NKAIN2: variants seen among roughly 807,000 people sequenced by gnomAD.
NKAIN2 encodes sodium/potassium-transporting ATPase subunit beta-1-interacting protein 2.
NKAIN2 carries 14 observed loss-of-function variants against 32.6 expected under a neutral mutation model. The observed-to-expected ratio is 0.43, with a 90% CI of 0.28 to 0.67. The LOEUF is 0.67. Ranked by LOEUF, NKAIN2 falls within the 30% of genes least tolerant of loss-of-function variation. The pLI is 0.17. For synonymous variants in NKAIN2, 80 were observed against 87.2 expected (o/e 0.92, Z 0.46); for missense variants, 198 against 258.3 (o/e 0.77, Z 1.60).
intron 4 of NKAIN2, among the ~76,000 whole-genome samples, chr6:124,677,908 TA>T (rs2114494509): frequency 6.6e-6 from 1 of 152,156 alleles, no homozygotes; most frequent in East Asian, 1.9e-4. Context: ...CTAGTGGCCA[TA>T]AACTCCTTCA....
intron 3 of NKAIN2, among the ~76,000 whole-genome samples, chr6:124,453,990 T>C (rs1776220908): frequency 6.6e-6 from 1 of 151,972 alleles, no homozygotes. Flanking sequence ...ATCAAAGTTA[T>C]TCAGTAAATA....
chr6:124,032,155 T>G (rs1781432337), intron 1 of NKAIN2, among the ~76,000 whole-genome samples: 2 of 150,300 alleles, frequency 1.3e-5, no homozygotes, highest in Admixed American at 1.3e-4. Context: ...GAGCAAAGTA[T>G]CACAAGGACA....
intron 3 of NKAIN2, among the ~76,000 whole-genome samples, chr6:124,542,941 G>C (rs1171787015): frequency 2.0e-5 from 3 of 152,154 alleles, no homozygotes; most frequent in Non-Finnish European, 4.4e-5. Context: ...ACATTTTGAT[G>C]AATAGATAGT....
intron 1 of NKAIN2, among the ~76,000 whole-genome samples, chr6:124,091,505 A>G (rs2114928563): frequency 6.6e-6 from 1 of 152,166 alleles, no homozygotes; most frequent in South Asian, 2.1e-4. Context: ...GTCTCTAAAC[A>G]TTGATTTTCC....
chr6:124,180,081 G>A (rs1789362183), intron 1 of NKAIN2, among the ~76,000 whole-genome samples: 1 of 152,006 alleles, frequency 6.6e-6, no homozygotes, highest in African/African-American at 2.4e-5. Context: ...CAGGTAGATA[G>A]GTAGGCATGT....
chr6:124,337,363 C>T (rs534506707), intron 2 of NKAIN2, among the ~76,000 whole-genome samples: 1 of 152,136 alleles, frequency 6.6e-6, no homozygotes, highest in African/African-American at 2.4e-5. Flanking sequence ...AATAATTAGC[C>T]AGGCATGGCT....
rs559110581 is a variant in NKAIN2, at chr6:124,787,505, C to T, written c.475-3834C>T. 8.7e-4 allele frequency among the ~76,000 whole-genome samples: 133 copies of T among 152,082 alleles called. 1 individual carries two copies. The highest frequency in any genetic ancestry group is 3.2e-3 in the African/African-American group (133 of 41,480). On this transcript the variant is annotated intron_variant, in intron 4 of 6. Coordinates refer to ENST00000368417, the MANE Select transcript of NKAIN2 (RefSeq NM_001040214.3). ...GACTAGGGAGGGGAAGGAAGAGGTA[C>T]AGGGCATTAGCATTCTTTGTTGGCA... is the stretch of plus-strand genomic sequence containing the variant.
chr6:123,921,753 C>T lies in NKAIN2; in HGVS notation c.54+117499C>T, dbSNP rs547211338. Among the ~76,000 whole-genome samples, 6 of 152,168 alleles carry T rather than the reference C, an allele frequency of 3.9e-5. No homozygotes were observed. In the East Asian group the frequency reaches 1.2e-3, roughly 29 times the overall value. ...TATAGTGTACATCACTTATGAGAAA[C>T]TCAAAAACTGGTGTTAGCACTTTGT... On this transcript the variant is annotated intron_variant, in intron 1 of 6. Coordinates refer to ENST00000368417, the MANE Select transcript of NKAIN2 (RefSeq NM_001040214.3).
chr6:124,628,279 T>A (rs76388607), intron 3 of NKAIN2, among the ~76,000 whole-genome samples: 7 of 148,498 alleles, frequency 4.7e-5, no homozygotes, highest in East Asian at 4.0e-4. Flanking sequence ...TATTTTTTTT[T>A]AAATCTTTCC....
At chr6:124,313,826 C>T (rs1796822775) in intron 2 of NKAIN2, among the ~76,000 whole-genome samples, 1 of 152,134 alleles carries the variant, frequency 6.6e-6, no homozygotes, top group South Asian at 2.1e-4. Context: ...TGCAGAAAAT[C>T]TACCCTAGCT....
chr6:124,275,213 A>G (rs1355031883), intron 1 of NKAIN2, among the ~76,000 whole-genome samples: 4 of 152,162 alleles, frequency 2.6e-5, no homozygotes, highest in African/African-American at 9.6e-5. Flanking sequence ...TTAGAATTAT[A>G]TATAAATGGG....
At chr6:124,058,900 C>T (rs1782789759) in intron 1 of NKAIN2, among the ~76,000 whole-genome samples, 1 of 152,008 alleles carries the variant, frequency 6.6e-6, no homozygotes, top group South Asian at 2.1e-4. Context: ...AAAATATGTG[C>T]TTTCTGTTCC....
At chr6:124,081,730 A>C (rs1454887545) in intron 1 of NKAIN2, among the ~76,000 whole-genome samples, 1 of 152,058 alleles carries the variant, frequency 6.6e-6, no homozygotes, top group South Asian at 2.1e-4. Flanking sequence ...TGACTTTTCA[A>C]GGCCAATTTG....
At chr6:124,820,321 A>G (rs565951267) in intron 6 of NKAIN2, among the ~76,000 whole-genome samples, 1 of 152,348 alleles carries the variant, frequency 6.6e-6, no homozygotes, top group South Asian at 2.1e-4. Context: ...GACCGTGGGC[A>G]TGTAACTTTG....
intron 4 of NKAIN2, among the ~76,000 whole-genome samples, chr6:124,775,918 C>T (rs1037230336): frequency 2.0e-5 from 3 of 151,998 alleles, no homozygotes; most frequent in African/African-American, 7.2e-5. Flanking sequence ...TCCAAAGGGT[C>T]CAAAGGGTCA....
intron 1 of NKAIN2, among the ~76,000 whole-genome samples, chr6:124,207,727 A>C (rs1790966962): frequency 6.6e-6 from 1 of 151,862 alleles, no homozygotes; most frequent in South Asian, 2.1e-4. Context: ...GACAGTAGTG[A>C]GGACTATCTG....
chr6:124,471,619 A>C (rs1362918612), intron 3 of NKAIN2, among the ~76,000 whole-genome samples: 1 of 152,156 alleles, frequency 6.6e-6, no homozygotes, highest in African/African-American at 2.4e-5. Context: ...TGAAAGAATA[A>C]ATCTAAAGGC....
At chr6:124,193,780 C>T (rs1376556841) in intron 1 of NKAIN2, among the ~76,000 whole-genome samples, 2 of 151,972 alleles carry the variant, frequency 1.3e-5, no homozygotes, top group Admixed American at 6.6e-5. Flanking sequence ...AGACCCACAG[C>T]GGGTAGCTTC....
chr6:124,763,449 G>T (rs1219669269), intron 4 of NKAIN2, among the ~76,000 whole-genome samples: 1 of 152,156 alleles, frequency 6.6e-6, no homozygotes, highest in Non-Finnish European at 1.5e-5. Flanking sequence ...AGCAAGAGAT[G>T]GAGGGAGGTG....
Sources: gnomAD v4.1 joint callset for allele counts (sites outside exome capture counted in the v4.1 genomes callset) on GRCh38, gnomAD v4.1.1 for gene constraint, MANE v1.5 for transcripts, NCBI Gene and HGNC (gene_info 2026-07-23, HGNC 2026-07-21) for gene names.